Variants in FCHO1 observed in about 807,000 individuals in gnomAD.
FCHO1 encodes the protein F-BAR domain only protein 1.
A neutral mutation model predicts 114.4 loss-of-function variants in FCHO1; 45 were observed. The observed-to-expected ratio is 0.39, with a 90% confidence interval of 0.31 to 0.50. The LOEUF (loss-of-function observed/expected upper bound fraction) is 0.50. FCHO1 is among the 20% of genes least tolerant of loss of function. The pLI is 0.77. For missense variants in FCHO1, 1,042 were observed against 1,209.6 expected, an observed-to-expected ratio of 0.86 and a Z score of 2.06; for synonymous variants, 480 against 488.9, an observed-to-expected ratio of 0.98 and a Z score of 0.24.
At chr19:17,771,605 C>A (rs537583885) in intron 9 of FCHO1, among the ~76,000 whole-genome samples, 3 of 151,060 alleles carry the variant, frequency 2.0e-5, no homozygotes, top group African/African-American at 7.3e-5. Context: ...GGAGGCGGAG[C>A]TTGCAGTGAG....
In FCHO1 at chr19:17,757,945, G is replaced by A. The variant is rs868806590; in HGVS notation, c.27+2754G>A. Among the ~76,000 whole-genome samples the A allele has an allele frequency of 1.1e-4, 16 of 150,346 alleles. 1 individual carries two copies. The highest frequency in any genetic ancestry group is 4.2e-4 in the South Asian group (2 of 4,752). ...AAAAAAAAAAAAAAAAGCCGGGTGC[G>A]GTGGCTCACACCTGTAATCCCAGCA... On this transcript the variant is annotated intron_variant, in intron 4 of 28. Transcript: ENST00000596536.
rs1315118144 is a variant in FCHO1 at position 17,770,624 on chromosome 19, G to A, written c.489+47G>A. 3 of 1,591,106 alleles carry A rather than the reference G, an allele frequency of 1.9e-6. No individual in the cohort carries two copies. In the South Asian group the frequency reaches 3.4e-5, roughly 18 times the overall value. ...TCTGAGGAATTTGCCGCGGGGCGGAGGGGCTGCCTGATCAGAGAGTGGAAA... is the reference window on the plus strand; with the variant it reads ...TCTGAGGAATTTGCCGCGGGGCGGAAGGGCTGCCTGATCAGAGAGTGGAAA... On this transcript the variant is annotated intron_variant, in intron 8 of 28. Transcript: ENST00000596536.
In FCHO1 at chr19:17,773,904, T is replaced by TCTC. The variant is rs1491478082; in HGVS notation, c.791-335_791-334insCTC. On this transcript the variant is annotated intron_variant, in intron 11 of 28. Coordinates refer to ENST00000596536, the MANE Select transcript of FCHO1 (RefSeq NM_015122.3). ...TAGTTTCTTTCTCTCTCTCTCTCTC[T>TCTC]TTTTTTTTTTTTTTTAATTTTTTTG... Among the ~76,000 whole-genome samples the TCTC allele has an allele frequency of 1.5e-4, 7 of 47,610 alleles. No individual in the cohort carries two copies. In the South Asian group the frequency reaches 4.5e-3, roughly 31 times the overall value. 31.2% of individuals were successfully genotyped at this position (47,610 alleles called of 152,430 possible).
At chr19:17,779,934 CAG>C (rs2147259019) in intron 20 of FCHO1, among the ~76,000 whole-genome samples, 1 of 151,922 alleles carries the variant, frequency 6.6e-6, no homozygotes, top group Admixed American at 6.6e-5. Flanking sequence ...GGGTTGGAGA[CAG>C]GAGGACAGCA....
chr19:17,750,827 C>CT (rs56003373), upstream of FCHO1, among the ~76,000 whole-genome samples: 657 of 134,242 alleles, frequency 4.9e-3, 6 homozygotes, highest in African/African-American at 9.2e-3. Context: ...CCTTTCTTTT[C>CT]TTTTTTTTTT....
In FCHO1 at chr19:17,765,470, G is replaced by A. The variant is rs367979135; in HGVS notation, c.194+1021G>A. ...GAGGATCACTTGAGGCCAAAAGTTCGAGACCAGCCTGGGCAACATGGAGAA... is the reference window on the plus strand; with the variant it reads ...GAGGATCACTTGAGGCCAAAAGTTCAAGACCAGCCTGGGCAACATGGAGAA... On this transcript the variant is annotated intron_variant, in intron 6 of 28. Coordinates refer to ENST00000596536, the MANE Select transcript of FCHO1 (RefSeq NM_015122.3). Among the ~76,000 whole-genome samples, 89 of 151,698 alleles carry A rather than the reference G, an allele frequency of 5.9e-4. 1 individual carries two copies. The East Asian group carries it at 8.6e-3, about 15-fold the overall frequency.
Position 17,775,990 on chromosome 19 carries a change from C to T in FCHO1, c.1011C>T (p.Ala337=), listed in dbSNP as rs149617718. The T allele has an allele frequency of 1.3e-5, 21 of 1,607,138 alleles. No homozygotes were observed. The African/African-American group carries it at 2.0e-4, about 15-fold the overall frequency. ...VRPDVTQNST[A]EPSRFSSSDS... ...ACCTTGACTGCAGCCCACGCACGGC[C>T]GAGCCCTCCCGTTTCTCGTCCAGCG... is the stretch of plus-strand genomic sequence containing the variant. Residue 337 remains alanine (A), a synonymous_variant, in exon 16 of 29, where the codon GCC becomes GCT. Transcript: ENST00000596536. This position sits in a 1 kb window ranked among gnomAD's most constrained non-coding sequence, Gnocchi z 5.1.
intron 4 of FCHO1, among the ~76,000 whole-genome samples, chr19:17,758,076 A>G (rs1160119297): frequency 5.4e-5 from 8 of 148,454 alleles, no homozygotes; most frequent in South Asian, 2.2e-4. Context: ...TTAGCCGGGT[A>G]TGGTGGCGGG....
In FCHO1 at chr19:17,770,418, C is replaced by T. The variant is rs749129822; in HGVS notation, c.337-7C>T. 4.4e-6 allele frequency: 7 copies of T among 1,605,498 alleles called. No homozygotes were observed. The highest frequency in any genetic ancestry group is 6.0e-6 in the Non-Finnish European group (7 of 1,175,164). The stretch of plus-strand genomic sequence containing the variant: ...GTCTACCCATGAAATCCCCTCCTAC[C>T]CCGCAGTGCAAGGAGGAAGTGGTGA... On this transcript the variant is annotated splice_region_variant and splice_polypyrimidine_tract_variant and intron_variant, in intron 7 of 28. Transcript: ENST00000596536.
chr19:17,788,249 C>CAA, intron 28 of FCHO1, 35 bp from the exon 29 acceptor site: 1 of 802,694 alleles, frequency 1.2e-6, no homozygotes, highest in African/African-American at 1.7e-5. Flanking sequence ...TACCCCTCCT[C>CAA]CCCACCCCTC....
intron 24 of FCHO1, 67 bp downstream of exon 24, chr19:17,783,239 T>C: frequency 1.3e-6 from 2 of 1,491,784 alleles, no homozygotes; most frequent in Non-Finnish European, 1.8e-6. Context: ...GGACTCTGAG[T>C]TCCCTCTCTG....
At chr19:17,757,692 A>G (rs1337398258) in intron 4 of FCHO1, among the ~76,000 whole-genome samples, 1 of 152,140 alleles carries the variant, frequency 6.6e-6, no homozygotes, top group African/African-American at 2.4e-5. Flanking sequence ...GAGATGGCGG[A>G]TCGCCTGAGC....
At chr19:17,772,365 C>T in intron 9 of FCHO1, 92 bp from the exon 10 acceptor site, 1 of 926,126 alleles carries the variant, frequency 1.1e-6, no homozygotes, top group East Asian at 2.4e-5. Flanking sequence ...GAGCCAAGGG[C>T]TTAGGGTATT....
At chr19:17,778,979 C>G in intron 20 of FCHO1, 95 bp downstream of exon 20, 1 of 1,307,830 alleles carries the variant, frequency 7.6e-7, no homozygotes, top group South Asian at 1.6e-5. Flanking sequence ...CTGCTGGAGA[C>G]ACAGCCAGGA....
In FCHO1 at chr19:17,764,896, C is replaced by G. The variant is rs145789687; in HGVS notation, c.194+447C>G. Among the ~76,000 whole-genome samples, 1,291 of 151,702 alleles carry G rather than the reference C, an allele frequency of 8.5e-3. 18 individuals carry two copies. Among genetic ancestry groups the G allele is most frequent in the African/African-American group, 0.03 (1,232 of 41,304 alleles). Reference sequence around the variant, plus strand: ...GCCTGGGCAACATGGTGAAACTCCTCTCTACTAAAAATACAAAATTAGTCG... The same window carrying G: ...GCCTGGGCAACATGGTGAAACTCCTGTCTACTAAAAATACAAAATTAGTCG... On this transcript the variant is annotated intron_variant, in intron 6 of 28. Coordinates refer to ENST00000596536, the MANE Select transcript of FCHO1 (RefSeq NM_015122.3).
chr19:17,757,588 C>A (rs1206456700), intron 4 of FCHO1, among the ~76,000 whole-genome samples: 1 of 152,162 alleles, frequency 6.6e-6, no homozygotes, highest in Non-Finnish European at 1.5e-5. Flanking sequence ...AGATTGGACA[C>A]TTGAACTTTG....
rs34490038 is a variant in FCHO1 at position 17,769,274 on chromosome 19, C to CAAAAAAAAA, written c.337-1139_337-1131dup. On this transcript the variant is annotated intron_variant, in intron 7 of 28. Coordinates refer to ENST00000596536, the MANE Select transcript of FCHO1 (RefSeq NM_015122.3). ...TGGGTGAAAGAGCAAGACTCCGCCT[C>CAAAAAAAAA]AAAAAAAAAAAAAAAAAAAAGGCCT... is the stretch of plus-strand genomic sequence containing the variant. 1.7e-4 allele frequency among the ~76,000 whole-genome samples: 9 copies of CAAAAAAAAA among 51,812 alleles called. 1 individual carries two copies. The highest frequency in any genetic ancestry group is 6.3e-4 in the African/African-American group (7 of 11,038). The allele number at this position is 51,812 out of a possible 152,430, so 34.0% of individuals were successfully genotyped here. A position where few individuals can be genotyped will look rare whatever the true frequency, so the allele number is the denominator to read the frequency against.
chr19:17,778,494 A>T (rs1056562175), intron 19 of FCHO1, 115 bp from the exon 20 acceptor site: 32 of 1,200,458 alleles, frequency 2.7e-5, no homozygotes, highest in Middle Eastern at 5.7e-4. Flanking sequence ...GTGCACAAGG[A>T]CTTTGAATGG....
chr19:17,753,571 C>T (rs2082545980), intron 1 of FCHO1: 1 of 152,268 alleles, frequency 6.6e-6, no homozygotes, highest in African/African-American at 2.4e-5. Context: ...GGGACCCTGA[C>T]ATTGTTCTAG....
Sources: allele counts gnomAD v4.1 joint callset (sites outside exome capture counted in the v4.1 genomes callset), GRCh38; gene constraint gnomAD v4.1.1; non-coding constraint Gnocchi (gnomAD v3.1); transcripts MANE v1.5; gene names NCBI Gene and HGNC (gene_info 2026-07-23, HGNC 2026-07-21).